Variants in ARHGEF3 observed in about 807,000 individuals in gnomAD.
The protein encoded by ARHGEF3 is 59.8 kDA protein.
Under a neutral mutation model 63.2 loss-of-function variants are expected in ARHGEF3, and 28 were observed. The observed-to-expected ratio is 0.44, with a 90% confidence interval of 0.33 to 0.61. The LOEUF (loss-of-function observed/expected upper bound fraction) is 0.61, where lower values mean the gene tolerates loss of function less well. Ranked by LOEUF, ARHGEF3 falls within the 20% of genes least tolerant of loss-of-function variation. The probability of loss-of-function intolerance (pLI) is 0.03; values close to 1 mark genes in which losing one functional copy is unlikely to be tolerated. For missense variants in ARHGEF3, 533 were observed against 659.3 expected (o/e 0.81, Z 2.10); for synonymous variants, 266 against 254.2 (o/e 1.05, Z -0.44).
chr3:56,973,243 T>C (rs2106860577), intron 2 of ARHGEF3, among the ~76,000 whole-genome samples: 1 of 152,208 alleles, frequency 6.6e-6, no homozygotes, highest in South Asian at 2.1e-4. Flanking sequence ...GGTCTCGATC[T>C]CCTGACCTCG....
At chr3:56,929,194 C>T (rs1560058722) in intron 3 of ARHGEF3, among the ~76,000 whole-genome samples, 1 of 152,122 alleles carries the variant, frequency 6.6e-6, no homozygotes. Context: ...AGTTTTTAAC[C>T]CTGACTGTGG....
intron 2 of ARHGEF3, among the ~76,000 whole-genome samples, chr3:56,969,734 C>A (rs1700823620): frequency 2.3e-5 from 3 of 129,124 alleles, no homozygotes; most frequent in African/African-American, 2.8e-5. Flanking sequence ...GCCTCGGTGA[C>A]AGAGTGAGAC....
chr3:56,989,025 A>G (rs2106939693), intron 2 of ARHGEF3, among the ~76,000 whole-genome samples: 1 of 152,292 alleles, frequency 6.6e-6, no homozygotes, highest in South Asian at 2.1e-4. Flanking sequence ...GGGCTCCTGC[A>G]GCCACTGAAC....
At chr3:56,740,288 T>C (rs930580605) in intron 7 of ARHGEF3, among the ~76,000 whole-genome samples, 18 of 152,034 alleles carry the variant, frequency 1.2e-4, no homozygotes, top group Non-Finnish European at 2.4e-4. Context: ...AAAACCCTTA[T>C]TTTAAAAAAT....
chr3:56,838,090 T>C (rs773854961), intron 4 of ARHGEF3, among the ~76,000 whole-genome samples: 8 of 152,156 alleles, frequency 5.3e-5, no homozygotes, highest in Non-Finnish European at 8.8e-5. Flanking sequence ...ACAATGTAAA[T>C]ATCATACTCC....
At chr3:56,932,258 T>C (rs1471457080) in intron 3 of ARHGEF3, among the ~76,000 whole-genome samples, 1 of 152,088 alleles carries the variant, frequency 6.6e-6, no homozygotes, top group Non-Finnish European at 1.5e-5. Context: ...AATTAATACA[T>C]GCACCCCATA....
intron 4 of ARHGEF3, among the ~76,000 whole-genome samples, chr3:56,836,410 T>A (rs1234920411): frequency 2.6e-5 from 4 of 152,194 alleles, no homozygotes; most frequent in Non-Finnish European, 5.9e-5. Flanking sequence ...ACATTACAAA[T>A]CTCACCATGA....
intron 2 of ARHGEF3, among the ~76,000 whole-genome samples, chr3:56,968,645 A>G (rs1176133830): frequency 6.6e-6 from 1 of 151,510 alleles, no homozygotes; most frequent in Admixed American, 6.6e-5. Flanking sequence ...TCACATTTTA[A>G]AAGTAAAAAG....
chr3:56,977,393 T>A (rs1226590000), intron 2 of ARHGEF3: 6 of 447,422 alleles, frequency 1.3e-5, no homozygotes, highest in African/African-American at 1.0e-4. Context: ...GGGCCAGCAC[T>A]TGCATCAGCA....
intron 1 of ARHGEF3, among the ~76,000 whole-genome samples, chr3:56,794,639 C>A (rs905599755): frequency 6.6e-6 from 1 of 151,990 alleles, no homozygotes; most frequent in Non-Finnish European, 1.5e-5. Flanking sequence ...GGTTCCAGAA[C>A]CCTCTCAGAT....
intron 4 of ARHGEF3, among the ~76,000 whole-genome samples, chr3:56,861,353 G>A (rs1034190262): frequency 2.0e-5 from 3 of 152,158 alleles, no homozygotes; most frequent in Admixed American, 2.0e-4. Context: ...TAGAAAGCTT[G>A]GGGCTGGAAG....
At chr3:57,063,835 G>C (rs753296461) in intron 1 of ARHGEF3, among the ~76,000 whole-genome samples, 69 of 152,290 alleles carry the variant, frequency 4.5e-4, no homozygotes, top group Non-Finnish European at 8.2e-4. Context: ...CCTGAAATGA[G>C]GGGCTCAAAA....
At chr3:56,733,279 T>A (rs1335942303) in intron 8 of ARHGEF3, among the ~76,000 whole-genome samples, 3 of 94,074 alleles carry the variant, frequency 3.2e-5, no homozygotes, top group Non-Finnish European at 5.6e-5. Context: ...TGAGACTCCA[T>A]CTAAAAAAAA....
At chr3:56,973,680 C>T (rs1444433833) in intron 2 of ARHGEF3, among the ~76,000 whole-genome samples, 1 of 152,068 alleles carries the variant, frequency 6.6e-6, no homozygotes, top group Non-Finnish European at 1.5e-5. Context: ...TACTATTTCA[C>T]CAAGCAGGAG....
chr3:56,921,310 G>T (rs1458151532), intron 3 of ARHGEF3, among the ~76,000 whole-genome samples: 2 of 146,312 alleles, frequency 1.4e-5, no homozygotes, highest in South Asian at 2.1e-4. Context: ...CTTACCCAAG[G>T]TTCCAACATC....
chr3:56,897,806 C>G (rs1028994871), intron 3 of ARHGEF3, among the ~76,000 whole-genome samples: 2 of 152,114 alleles, frequency 1.3e-5, no homozygotes, highest in African/African-American at 2.4e-5. Flanking sequence ...ACCTCGTGAT[C>G]TGCCCACCTC....
chr3:56,993,659 G>A (rs1701851953), intron 2 of ARHGEF3, among the ~76,000 whole-genome samples: 1 of 151,920 alleles, frequency 6.6e-6, no homozygotes, highest in Admixed American at 6.6e-5. Context: ...ACAGGCATGA[G>A]CCACCGTGCC....
At chr3:56,751,521 C>A (rs2034742923) in intron 4 of ARHGEF3, 125 bp from the exon 5 acceptor site, 1 of 741,134 alleles carries the variant, frequency 1.3e-6, no homozygotes, top group South Asian at 1.7e-5. Context: ...CAACTTCTCC[C>A]ATAAAGCTGC....
At chr3:56,732,984 T>C (rs564777475) in intron 8 of ARHGEF3, among the ~76,000 whole-genome samples, 5 of 151,866 alleles carry the variant, frequency 3.3e-5, no homozygotes, top group East Asian at 3.9e-4. Flanking sequence ...CCCGTCTCTA[T>C]TAAAAATACA....
Sources: allele counts gnomAD v4.1 joint callset (sites outside exome capture counted in the v4.1 genomes callset), GRCh38; gene constraint gnomAD v4.1.1; transcripts MANE v1.5; gene names NCBI Gene and HGNC (gene_info 2026-07-23, HGNC 2026-07-21).